Variants in GRIN3A observed in about 807,000 individuals in gnomAD.
GRIN3A encodes the protein glutamate ionotropic receptor NMDA type subunit 3A.
Under a neutral mutation model 92.4 loss-of-function variants are expected in GRIN3A, and 47 were observed. That is an observed-to-expected ratio of 0.51 (90% confidence interval 0.40 to 0.65). The LOEUF (loss-of-function observed/expected upper bound fraction) is 0.65, where lower values mean the gene tolerates loss of function less well. GRIN3A is among the 30% of genes least tolerant of loss of function. The probability of loss-of-function intolerance (pLI) is 0.00; values close to 1 mark genes in which losing one functional copy is unlikely to be tolerated. For missense variants in GRIN3A, 1,324 were observed against 1,393.1 expected, an observed-to-expected ratio of 0.95 and a Z score of 0.79; for synonymous variants, 527 against 540.6, an observed-to-expected ratio of 0.97 and a Z score of 0.35.
chr9:101,690,487 G>A (rs1024473115), intron 1 of GRIN3A, among the ~76,000 whole-genome samples: 2 of 152,112 alleles, frequency 1.3e-5, no homozygotes, highest in African/African-American at 4.8e-5. Context: ...CCATGCACTC[G>A]TAGAATGAAA....
At position 101,688,920 on chromosome 9, in the gene GRIN3A, G is replaced by C. The variant is rs545664508; in HGVS notation, c.700-1720C>G. On this transcript the variant is annotated intron_variant, in intron 1 of 8. Transcript: ENST00000361820. ...GATTTAGTGACAAGATCAGATGTGA[G>C]AGGCAAAAGAGAGAAAGGTCTCAAA... 2.0e-5 allele frequency among the ~76,000 whole-genome samples: 3 copies of C among 152,250 alleles called. No homozygotes were observed. The South Asian group carries it at 6.2e-4, about 32-fold the overall frequency.
intron 5 of GRIN3A, among the ~76,000 whole-genome samples, chr9:101,618,749 A>G (rs925689405): frequency 2.0e-5 from 3 of 152,192 alleles, no homozygotes; most frequent in Non-Finnish European, 2.9e-5. Flanking sequence ...AAAACATAAA[A>G]TAAAACCTTG....
chr9:101,624,152 T>G, intron 4 of GRIN3A, among the ~76,000 whole-genome samples: 1 of 152,240 alleles, frequency 6.6e-6, no homozygotes, highest in South Asian at 2.1e-4. Context: ...GACTATGTCC[T>G]GAGCCCATCC....
chr9:101,707,060 T>C (rs1048628517), intron 1 of GRIN3A, among the ~76,000 whole-genome samples: 1 of 152,214 alleles, frequency 6.6e-6, no homozygotes, highest in Non-Finnish European at 1.5e-5. Context: ...CCGCTAAAAT[T>C]TGCAAAAGAT....
chr9:101,634,206 G>T (rs891546557), intron 3 of GRIN3A, among the ~76,000 whole-genome samples: 34 of 151,918 alleles, frequency 2.2e-4, no homozygotes, highest in African/African-American at 7.5e-4. Flanking sequence ...GGTGGCGGGT[G>T]CCTGTAGTCC....
chr9:101,624,479 G>GT (rs919109340), intron 4 of GRIN3A, among the ~76,000 whole-genome samples: 9 of 149,834 alleles, frequency 6.0e-5, no homozygotes, highest in African/African-American at 4.9e-5. Context: ...GTGGTGTTTG[G>GT]TTTTTTGTCC....
chr9:101,721,134 C>T (rs1029041416), intron 1 of GRIN3A, among the ~76,000 whole-genome samples: 8 of 152,158 alleles, frequency 5.3e-5, no homozygotes, highest in Non-Finnish European at 1.5e-5. Flanking sequence ...TGCCTGGATT[C>T]CCATGTGTTG....
intron 3 of GRIN3A, among the ~76,000 whole-genome samples, chr9:101,657,012 C>T (rs1436363405): frequency 2.6e-5 from 4 of 151,850 alleles, no homozygotes; most frequent in African/African-American, 9.7e-5. Context: ...AAAATCATCT[C>T]GTCTAAATTA....
intron 1 of GRIN3A, among the ~76,000 whole-genome samples, chr9:101,715,817 GA>G (rs1057237723): frequency 2.0e-5 from 3 of 152,022 alleles, no homozygotes; most frequent in African/African-American, 7.2e-5. Context: ...AAATAAAACA[GA>G]AAACAATAAC....
chr9:101,586,613 A>C lies in GRIN3A; in HGVS notation c.2767-7253T>G, dbSNP rs549305575. 2.1e-3 allele frequency among the ~76,000 whole-genome samples: 327 copies of C among 152,260 alleles called. 2 individuals are homozygous for C. Among genetic ancestry groups the C allele is most frequent in the East Asian group, 5.8e-4 (3 of 5,186 alleles). ...ATCTACTGTTGAAACTGGGACAAAAAATTTTTTAAATTACTGAAGTAAAAC... is the reference window on the plus strand; with the variant it reads ...ATCTACTGTTGAAACTGGGACAAAACATTTTTTAAATTACTGAAGTAAAAC... On this transcript the variant is annotated intron_variant, in intron 6 of 8. Transcript: ENST00000361820.
intron 1 of GRIN3A, 150 bp downstream of exon 1, chr9:101,737,131 C>T: frequency 1.4e-6 from 1 of 698,674 alleles, no homozygotes; most frequent in South Asian, 1.6e-5. Flanking sequence ...CTACCTACCA[C>T]CTACGAACAT....
intron 6 of GRIN3A, among the ~76,000 whole-genome samples, chr9:101,586,764 C>T (rs1203117438): frequency 6.6e-6 from 1 of 152,162 alleles, no homozygotes; most frequent in Non-Finnish European, 1.5e-5. Flanking sequence ...TCACAGACTC[C>T]CTGCTCCCTG....
intron 2 of GRIN3A, among the ~76,000 whole-genome samples, chr9:101,675,201 A>G (rs1323429): frequency 0.23 from 34,857 of 151,792 alleles, 4,344 homozygotes; most frequent in East Asian, 0.56. Flanking sequence ...CCAAGATACC[A>G]TTCTCCTTAA....
Position 101,680,590 on chromosome 9 carries a change from A to G in GRIN3A, c.1304+6006T>C, listed in dbSNP as rs116923404. Among the ~76,000 whole-genome samples the G allele has an allele frequency of 2.8e-4, 43 of 152,316 alleles. 1 individual carries two copies. In the East Asian group the frequency reaches 3.7e-3, roughly 13 times the overall value. On this transcript the variant is annotated intron_variant, in intron 2 of 8. Transcript: ENST00000361820. ...GCACCAGCAGAGTATAATCACTGGT[A>G]TAAAGGGTGTTATCCCAGTGAAGAA...
intron 1 of GRIN3A, among the ~76,000 whole-genome samples, chr9:101,735,536 C>T (rs1264041796): frequency 6.6e-6 from 1 of 151,768 alleles, no homozygotes; most frequent in African/African-American, 2.4e-5. Flanking sequence ...AACTAAGGAA[C>T]ACGAATTTTG....
intron 6 of GRIN3A, among the ~76,000 whole-genome samples, chr9:101,596,537 A>G (rs1293710231): frequency 6.6e-6 from 1 of 152,224 alleles, no homozygotes; most frequent in East Asian, 1.9e-4. Context: ...TCTAAAGCAC[A>G]AAGACCTTTC....
Position 101,613,395 on chromosome 9 carries a change from C to G in GRIN3A, c.2747G>C (p.Arg916Thr). Reference protein sequence around the residue: ...KWYRVVPCGKRSFAVTETLQM... With the variant: ...KWYRVVPCGKTSFAVTETLQM... ...CCATACCTCCGTGACAGCAAAACTT[C>G]TCTTGCCACAGGGAACCACCCTGTA... Residue 916 changes from arginine (R) to threonine (T), a missense_variant, in exon 6 of 9, where the codon AGA (arginine) becomes ACA (threonine). Transcript: ENST00000361820. 6.2e-7 allele frequency: 1 copy of G among 1,614,218 alleles called. No individual in the cohort carries two copies. The highest frequency in any genetic ancestry group is 8.5e-7 in the Non-Finnish European group (1 of 1,180,040).
intron 1 of GRIN3A, among the ~76,000 whole-genome samples, chr9:101,700,231 A>G (rs1829736488): frequency 6.6e-6 from 1 of 152,238 alleles, no homozygotes; most frequent in Non-Finnish European, 1.5e-5. Flanking sequence ...GAATGAATAA[A>G]TGGGTAAATG....
rs1588287675 is a variant in GRIN3A, at chr9:101,697,099, T to A, written c.700-9899A>T. On this transcript the variant is annotated intron_variant, in intron 1 of 8. Transcript: ENST00000361820. ...GAGAATTCAAACACTTTTTATTGAT[T>A]CACATTCATTGCTTGCTACCTGACA... Among the ~76,000 whole-genome samples, 5 of 152,342 alleles carry A rather than the reference T, an allele frequency of 3.3e-5. 1 individual carries two copies. Among genetic ancestry groups the A allele is most frequent in the Admixed American group, 3.3e-4 (5 of 15,296 alleles).
Sources: allele counts gnomAD v4.1 joint callset (sites outside exome capture counted in the v4.1 genomes callset), GRCh38; gene constraint gnomAD v4.1.1; transcripts MANE v1.5; gene names NCBI Gene and HGNC (gene_info 2026-07-23, HGNC 2026-07-21).